PHACTR1: variants seen among roughly 807,000 people sequenced by gnomAD.
PHACTR1 encodes RPEL repeat containing 1.
In PHACTR1, 16 loss-of-function variants were observed where a neutral mutation model predicts 69.2. The ratio of observed to expected loss-of-function variants is 0.23; its 90% confidence interval spans 0.16 to 0.35. The LOEUF (loss-of-function observed/expected upper bound fraction) is 0.35, where lower values mean the gene tolerates loss of function less well. PHACTR1 is among the 10% of genes least tolerant of loss of function. PHACTR1 has a pLI of 1.00. For synonymous variants in PHACTR1, 312 were observed against 284.5 expected, an observed-to-expected ratio of 1.10 and a Z score of -0.97; for missense variants, 510 against 734.7, an observed-to-expected ratio of 0.69 and a Z score of 3.54.
chr6:12,856,317 G>C (rs1780361822), intron 4 of PHACTR1, among the ~76,000 whole-genome samples: 1 of 147,224 alleles, frequency 6.8e-6, no homozygotes, highest in Non-Finnish European at 1.5e-5. Context: ...GCAGTGGCGC[G>C]ATCTCGGCTT....
intron 3 of PHACTR1, among the ~76,000 whole-genome samples, chr6:12,742,873 T>C (rs887749531): frequency 6.6e-6 from 1 of 152,162 alleles, no homozygotes; most frequent in African/African-American, 2.4e-5. Context: ...GGAAGAATAA[T>C]AAGTGTTCAA....
At chr6:13,146,353 T>C (rs1823351751) in intron 5 of PHACTR1, among the ~76,000 whole-genome samples, 1 of 152,238 alleles carries the variant, frequency 6.6e-6, no homozygotes, top group South Asian at 2.1e-4. Context: ...ATAGTTATGA[T>C]TTTTTAAATT....
chr6:13,031,845 C>G (rs1393228915), intron 4 of PHACTR1, among the ~76,000 whole-genome samples: 1 of 152,152 alleles, frequency 6.6e-6, no homozygotes, highest in Non-Finnish European at 1.5e-5. Flanking sequence ...AAAATGAAAT[C>G]AAAGTTTGCA....
chr6:13,149,949 A>G (rs1824050758), intron 5 of PHACTR1, among the ~76,000 whole-genome samples: 1 of 151,928 alleles, frequency 6.6e-6, no homozygotes, highest in Non-Finnish European at 1.5e-5. Flanking sequence ...CCTGATTTAG[A>G]TAGAAGTTCC....
chr6:12,742,411 G>C (rs985529953), intron 3 of PHACTR1, among the ~76,000 whole-genome samples: 2 of 152,142 alleles, frequency 1.3e-5, no homozygotes, highest in Admixed American at 1.3e-4. Context: ...ATAATGAGAA[G>C]TGAGGACAAC....
chr6:13,045,027 C>T (rs1804798865), intron 4 of PHACTR1, among the ~76,000 whole-genome samples: 1 of 152,102 alleles, frequency 6.6e-6, no homozygotes, highest in Non-Finnish European at 1.5e-5. Flanking sequence ...GCAGCCTTTT[C>T]AAAAAAGCAG....
chr6:12,928,842 A>C (rs192997587), intron 4 of PHACTR1, among the ~76,000 whole-genome samples: 1 of 152,318 alleles, frequency 6.6e-6, no homozygotes, highest in African/African-American at 2.4e-5. Flanking sequence ...TTCATCCCCT[A>C]AGGCAGGACT....
chr6:12,913,724 G>A (rs1786659309), intron 4 of PHACTR1, among the ~76,000 whole-genome samples: 1 of 152,228 alleles, frequency 6.6e-6, no homozygotes, highest in Non-Finnish European at 1.5e-5. Flanking sequence ...ATCATCAGCA[G>A]CTGAGCTGCA....
intron 3 of PHACTR1, among the ~76,000 whole-genome samples, chr6:12,743,513 T>A (rs1765344383): frequency 6.6e-6 from 1 of 152,196 alleles, no homozygotes; most frequent in Admixed American, 6.5e-5. Context: ...AATATCTATA[T>A]GATTCCTCTC....
chr6:13,151,293 G>A (rs185795270), intron 5 of PHACTR1, among the ~76,000 whole-genome samples: 3 of 152,288 alleles, frequency 2.0e-5, no homozygotes, highest in Admixed American at 1.3e-4. Context: ...TTTCTGCTCT[G>A]GTAATCTGAG....
chr6:12,833,308 G>A (rs1322682745), intron 4 of PHACTR1, among the ~76,000 whole-genome samples: 1 of 151,314 alleles, frequency 6.6e-6, no homozygotes, highest in Non-Finnish European at 1.5e-5. Flanking sequence ...ACCCAGGCTG[G>A]AGTGCAGTGG....
At chr6:13,144,082 A>G (rs933368489) in intron 5 of PHACTR1, among the ~76,000 whole-genome samples, 1 of 152,196 alleles carries the variant, frequency 6.6e-6, no homozygotes, top group African/African-American at 2.4e-5. Flanking sequence ...ACAAAAACTA[A>G]GAAGAAAACT....
At chr6:12,943,751 T>C (rs1158328407) in intron 4 of PHACTR1, among the ~76,000 whole-genome samples, 1 of 152,260 alleles carries the variant, frequency 6.6e-6, no homozygotes, top group African/African-American at 2.4e-5. Flanking sequence ...ATTGCTTCAC[T>C]GTGGTTGAAT....
chr6:12,899,074 C>T (rs185368083), intron 4 of PHACTR1, among the ~76,000 whole-genome samples: 118 of 152,326 alleles, frequency 7.7e-4, no homozygotes, highest in Non-Finnish European at 1.2e-3. Flanking sequence ...GTGACAGTGG[C>T]CTCCCTGCAT....
At chr6:12,983,332 G>A (rs944660422) in intron 4 of PHACTR1, among the ~76,000 whole-genome samples, 11 of 152,178 alleles carry the variant, frequency 7.2e-5, no homozygotes, top group Middle Eastern at 3.2e-3. Flanking sequence ...ATTCAAAAGA[G>A]GAGGTGGCAT....
chr6:12,987,601 A>C (rs1298674728), intron 4 of PHACTR1, among the ~76,000 whole-genome samples: 3 of 152,072 alleles, frequency 2.0e-5, no homozygotes, highest in African/African-American at 7.2e-5. Context: ...GCCAGTGGAG[A>C]TCTTCAAGCA....
chr6:13,242,009 C>G (rs1303835664), intron 10 of PHACTR1, among the ~76,000 whole-genome samples: 1 of 139,010 alleles, frequency 7.2e-6, no homozygotes, highest in African/African-American at 2.8e-5. Flanking sequence ...CTCCTCCGGT[C>G]TGGGCAACAG....
intron 3 of PHACTR1, among the ~76,000 whole-genome samples, chr6:12,732,559 G>T (rs1274615773): frequency 6.6e-6 from 1 of 151,960 alleles, no homozygotes; most frequent in South Asian, 2.1e-4. Flanking sequence ...TCTCACTCAT[G>T]AGTAAGAACG....
At chr6:12,784,529 T>A (rs958934131) in intron 4 of PHACTR1, among the ~76,000 whole-genome samples, 2 of 151,662 alleles carry the variant, frequency 1.3e-5, no homozygotes, top group Non-Finnish European at 2.9e-5. Context: ...CACATATACA[T>A]GATATGTACA....
Sources: gnomAD v4.1 joint callset for allele counts (sites outside exome capture counted in the v4.1 genomes callset) on GRCh38, gnomAD v4.1.1 for gene constraint, MANE v1.5 for transcripts, NCBI Gene and HGNC (gene_info 2026-07-23, HGNC 2026-07-21) for gene names.